Variants in FOCAD observed in about 807,000 individuals in gnomAD.
The protein encoded by FOCAD is focadhesin.
In FOCAD, 198 loss-of-function variants were observed where a neutral mutation model predicts 225.6. That is an observed-to-expected ratio of 0.88 (90% CI 0.78 to 0.99). The LOEUF is 0.99. Ranked by LOEUF, FOCAD falls within the 50% of genes least tolerant of loss-of-function variation. The pLI is 0.00. For synonymous variants in FOCAD, 897 were observed against 755.0 expected, an observed-to-expected ratio of 1.19 and a Z score of -3.08; for missense variants, 2,713 against 2,123.6, an observed-to-expected ratio of 1.28 and a Z score of -5.46.
chr9:20,661,368 A>G (rs983633609), intron 2 of FOCAD, among the ~76,000 whole-genome samples: 1 of 152,210 alleles, frequency 6.6e-6, no homozygotes, highest in African/African-American at 2.4e-5. Context: ...AGAGTAGACA[A>G]CATGTATTAT....
chr9:20,779,336 T>C (rs1819118599), intron 9 of FOCAD, among the ~76,000 whole-genome samples: 2 of 152,256 alleles, frequency 1.3e-5, no homozygotes, highest in South Asian at 4.1e-4. Context: ...GGCTTTTACA[T>C]TGGTGCTGCC....
chr9:20,940,598 T>C (rs888619538), intron 28 of FOCAD, among the ~76,000 whole-genome samples: 1 of 152,190 alleles, frequency 6.6e-6, no homozygotes, highest in African/African-American at 2.4e-5. Flanking sequence ...GTTCTCTTTT[T>C]GGCTTCAGGT....
chr9:20,697,241 T>C (rs1014653193), intron 1 of FOCAD, among the ~76,000 whole-genome samples: 8 of 152,232 alleles, frequency 5.3e-5, no homozygotes, highest in African/African-American at 1.9e-4. Context: ...ATTATTGATG[T>C]AACCTAACTG....
rs78364166 is a variant in FOCAD, at chr9:20,839,735, T to C, written c.1920+16620T>C. The stretch of plus-strand genomic sequence containing the variant: ...TATTTTGACACAGGCATACGATGTC[T>C]AATAATCACATCAAGGTTAATGGAG... On this transcript the variant is annotated intron_variant, in intron 15 of 43. Transcript: ENST00000338382. Among the ~76,000 whole-genome samples, 1,178 of 152,248 alleles carry C rather than the reference T, an allele frequency of 7.7e-3. 16 individuals are homozygous for C. The highest frequency in any genetic ancestry group is 0.027 in the African/African-American group (1,116 of 41,574).
intron 22 of FOCAD, among the ~76,000 whole-genome samples, chr9:20,908,226 A>G (rs929899510): frequency 4.6e-5 from 7 of 152,064 alleles, no homozygotes; most frequent in Non-Finnish European, 8.8e-5. Context: ...TTTATGTCCC[A>G]GAGTAAGATT....
intron 36 of FOCAD, among the ~76,000 whole-genome samples, chr9:20,977,715 A>G (rs534552903): frequency 2.0e-5 from 3 of 152,272 alleles, no homozygotes; most frequent in Admixed American, 1.3e-4. Context: ...ACTACATACA[A>G]TTTTTCACTT....
At chr9:20,988,271 A>T (rs921019985) in intron 40 of FOCAD, 61 bp from the exon 41 acceptor site, 3 of 1,015,906 alleles carry the variant, frequency 3.0e-6, no homozygotes, top group Non-Finnish European at 4.6e-6. Flanking sequence ...GTTGTTACTG[A>T]TCTGTTTTAC....
At chr9:20,790,466 T>A (rs1820404819) in intron 11 of FOCAD, among the ~76,000 whole-genome samples, 1 of 152,056 alleles carries the variant, frequency 6.6e-6, no homozygotes, top group Non-Finnish European at 1.5e-5. Context: ...AACGGGCAAA[T>A]GTGTTTATCT....
intron 1 of FOCAD, among the ~76,000 whole-genome samples, chr9:20,688,881 A>G (rs1822811733): frequency 6.6e-6 from 1 of 152,222 alleles, no homozygotes; most frequent in Non-Finnish European, 1.5e-5. Flanking sequence ...TGATTCTGTG[A>G]CTTTTGGCAG....
chr9:20,989,451 C>T (rs183688098), intron 41 of FOCAD, among the ~76,000 whole-genome samples: 5 of 152,092 alleles, frequency 3.3e-5, no homozygotes, highest in Non-Finnish European at 5.9e-5. Flanking sequence ...AGAGGTGGCT[C>T]CTATAATCAC....
Position 20,764,934 on chromosome 9 carries a change from A to T in FOCAD, c.560A>T (p.Gln187Leu), listed in dbSNP as rs1277660970. ...TGGTATCTGTATTGTGAACCATCTC[A>T]GTTACAAGAATATGCTAAACTCCGA... Reference protein sequence around the residue: ...FLWYLYCEPSQLQEYAKLRLA... With the variant: ...FLWYLYCEPSLLQEYAKLRLA... Residue 187 changes from glutamine to leucine, a missense_variant, in exon 7 of 44, where the codon CAG becomes CTG. By Grantham distance (113) the Gln-to-Leu change is moderately radical. Coordinates refer to ENST00000338382, the MANE Select transcript of FOCAD (RefSeq NM_001375567.1). The T allele has an allele frequency of 6.2e-7, 1 of 1,614,142 alleles. No individual in the cohort carries two copies. Among genetic ancestry groups the T allele is most frequent in the Non-Finnish European group, 8.5e-7 (1 of 1,180,004 alleles).
chr9:20,804,685 C>A (rs1358883007), intron 11 of FOCAD, among the ~76,000 whole-genome samples: 1 of 152,152 alleles, frequency 6.6e-6, no homozygotes, highest in Non-Finnish European at 1.5e-5. Flanking sequence ...TGAGAGGTCA[C>A]TGGTGAATAG....
At chr9:20,662,704 T>A (rs7847880) in intron 2 of FOCAD, among the ~76,000 whole-genome samples, 1 of 152,000 alleles carries the variant, frequency 6.6e-6, no homozygotes, top group African/African-American at 2.4e-5. Flanking sequence ...CCTGCCTTGG[T>A]CTCCCAAAGT....
chr9:20,756,822 T>C (rs949181332), intron 5 of FOCAD, among the ~76,000 whole-genome samples: 4 of 152,162 alleles, frequency 2.6e-5, no homozygotes, highest in Non-Finnish European at 5.9e-5. Context: ...TTTTGAAAAA[T>C]CATTGCTGGA....
chr9:20,924,826 A>G (rs1181235741), intron 25 of FOCAD, among the ~76,000 whole-genome samples: 1 of 152,218 alleles, frequency 6.6e-6, no homozygotes, highest in East Asian at 1.9e-4. Context: ...ACAGGTACTA[A>G]TGAAACATCT....
At chr9:20,791,185 A>G (rs956831313) in intron 11 of FOCAD, among the ~76,000 whole-genome samples, 3 of 151,638 alleles carry the variant, frequency 2.0e-5, no homozygotes, top group African/African-American at 7.3e-5. Flanking sequence ...CACCACTGAC[A>G]GAAAACATAT....
chr9:20,940,942 A>G (rs886785689), intron 28 of FOCAD, among the ~76,000 whole-genome samples: 17 of 152,112 alleles, frequency 1.1e-4, no homozygotes, highest in Non-Finnish European at 2.1e-4. Context: ...TCTGACATGC[A>G]AGTGTCACCC....
At chr9:20,774,200 G>A (rs906571736) in intron 8 of FOCAD, among the ~76,000 whole-genome samples, 1 of 152,196 alleles carries the variant, frequency 6.6e-6, no homozygotes, top group African/African-American at 2.4e-5. Flanking sequence ...GTGCAAAAAA[G>A]GCTGGGGACC....
intron 15 of FOCAD, among the ~76,000 whole-genome samples, chr9:20,831,561 G>C (rs1040012825): frequency 6.6e-6 from 1 of 152,114 alleles, no homozygotes; most frequent in Non-Finnish European, 1.5e-5. Context: ...AAATGTTCGG[G>C]GGAGAGATAG....
Sources: allele counts gnomAD v4.1 joint callset (sites outside exome capture counted in the v4.1 genomes callset), GRCh38; gene constraint gnomAD v4.1.1; transcripts MANE v1.5; gene names NCBI Gene and HGNC (gene_info 2026-07-23, HGNC 2026-07-21).